The following SLC17A3 variants were observed in gnomAD, a reference collection of about 807,000 sequenced individuals.
SLC17A3 encodes sodium-dependent phosphate transport protein 4.
Under a neutral mutation model 60.3 loss-of-function variants are expected in SLC17A3, and 61 were observed. The ratio of observed to expected loss-of-function variants is 1.01; its 90% CI spans 0.82 to 1.25. The LOEUF (loss-of-function observed/expected upper bound fraction) is 1.25, where lower values mean the gene tolerates loss of function less well. Among genes scored for constraint, SLC17A3 ranks in the 50% most tolerant of loss-of-function variants. The pLI, the probability that SLC17A3 is intolerant of heterozygous loss-of-function variation, is 0.00. For missense variants in SLC17A3, 624 were observed against 594.9 expected (o/e 1.05, Z -0.51); for synonymous variants, 192 against 208.9 (o/e 0.92, Z 0.70).
chr6:25,858,907 G>A (rs748451471), intron 5 of SLC17A3, among the ~76,000 whole-genome samples: 1 of 152,066 alleles, frequency 6.6e-6, no homozygotes, highest in Non-Finnish European at 1.5e-5. Context: ...TCATATATAT[G>A]TTCATATCTA....
At chr6:25,865,555 C>A (rs543048652) in intron 2 of SLC17A3, among the ~76,000 whole-genome samples, 1 of 151,950 alleles carries the variant, frequency 6.6e-6, no homozygotes, top group African/African-American at 2.4e-5. Context: ...AGGGTATCAG[C>A]AAACCAAGAG....
At chr6:25,870,571 G>T (rs551563066) in intron 1 of SLC17A3, among the ~76,000 whole-genome samples, 2 of 152,050 alleles carry the variant, frequency 1.3e-5, no homozygotes, top group Admixed American at 1.3e-4. Flanking sequence ...GCAGCAATGG[G>T]AGTTGCCCAG....
At chr6:25,870,711 A>G (rs1408960542) in intron 1 of SLC17A3, among the ~76,000 whole-genome samples, 1 of 152,046 alleles carries the variant, frequency 6.6e-6, no homozygotes, top group Non-Finnish European at 1.5e-5. Flanking sequence ...TAGTTGCTAG[A>G]GGCCCCTACA....
chr6:25,869,614 G>A (rs933796900), intron 1 of SLC17A3, among the ~76,000 whole-genome samples: 7 of 151,932 alleles, frequency 4.6e-5, no homozygotes, highest in Admixed American at 1.3e-4. Context: ...GGCAAAAGGC[G>A]AAGAAAGAGC....
Position 25,850,790 on chromosome 6 carries a change from T to A in SLC17A3, c.800A>T (p.Lys267Ile). ...TTTCAAGGAGGATATGATGTATTCTTTTTCTGAGGTGCTTATCCATGGATA... is the reference window on the plus strand; with the variant it reads ...TTTCAAGGAGGATATGATGTATTCTATTTCTGAGGTGCTTATCCATGGATA... ...VSYPWISTSE[K>I]EYIISSLKQQ... The change falls in exon 7 of 13, where the codon AAA becomes ATA. Residue 267 changes from lysine to isoleucine, a missense_variant. Physicochemically the swap from Lys to Ile is moderately radical, Grantham distance 102. Coordinates refer to ENST00000397060, the MANE Select transcript of SLC17A3 (RefSeq NM_001098486.2). 6.2e-7 allele frequency: 1 copy of A among 1,614,014 alleles called. No individual in the cohort carries two copies. Among genetic ancestry groups the A allele is most frequent in the South Asian group, 1.1e-5 (1 of 91,070 alleles).
intron 11 of SLC17A3, among the ~76,000 whole-genome samples, chr6:25,847,371 G>A (rs1186349529): frequency 6.6e-6 from 1 of 152,140 alleles, no homozygotes; most frequent in Non-Finnish European, 1.5e-5. Context: ...TGCAGAGAAC[G>A]TAAGTGTTCA....
chr6:25,863,530 A>C (rs1293480330), intron 2 of SLC17A3, among the ~76,000 whole-genome samples: 1 of 152,094 alleles, frequency 6.6e-6, no homozygotes, highest in Non-Finnish European at 1.5e-5. Flanking sequence ...AAAGGGACTT[A>C]GATCAATGAG....
At chr6:25,853,978 T>A (rs1396734003) in intron 6 of SLC17A3, among the ~76,000 whole-genome samples, 1 of 152,170 alleles carries the variant, frequency 6.6e-6, no homozygotes, top group Non-Finnish European at 1.5e-5. Flanking sequence ...ATTGGAAGTA[T>A]GTTGCTAAGT....
chr6:25,853,406 GTTTTTTTTTT>G (rs70977233), intron 6 of SLC17A3, among the ~76,000 whole-genome samples: 2 of 58,726 alleles, frequency 3.4e-5, no homozygotes, highest in African/African-American at 1.4e-4. Context: ...ATTTCTGCAT[GTTTTTTTTTT>G]TTTTTTTTTT....
At chr6:25,849,019 G>T (rs571961261) in intron 11 of SLC17A3, among the ~76,000 whole-genome samples, 1 of 152,088 alleles carries the variant, frequency 6.6e-6, no homozygotes, top group African/African-American at 2.4e-5. Flanking sequence ...CACTTTAAAG[G>T]GTTCATTTGT....
rs1300012803 is a variant in SLC17A3, at chr6:25,862,332, G to A, written c.204C>T (p.Asn68=). ...TGAGCTGGGATTGAGGGCTTGTGCT[G>A]TTGACCATGGCTACCATGGTGATGT... The part of the protein sequence containing the change: ...IMNITMVAMV[N]STSPQSQLND... Residue 68 remains asparagine (N), a synonymous_variant, in exon 3 of 13, where the codon AAC becomes AAT. Transcript: ENST00000397060. The A allele has an allele frequency of 1.9e-6, 3 of 1,613,680 alleles. No individual in the cohort carries two copies. Among genetic ancestry groups the A allele is most frequent in the Non-Finnish European group, 1.7e-6 (2 of 1,179,776 alleles).
chr6:25,863,942 A>C (rs6924093), intron 2 of SLC17A3, among the ~76,000 whole-genome samples: 4,357 of 152,154 alleles, frequency 0.029, 195 homozygotes, highest in African/African-American at 0.095. Flanking sequence ...GGGACCTCAC[A>C]TTCCAGAGAG....
intron 3 of SLC17A3, 61 bp from the exon 4 acceptor site, chr6:25,862,090 A>G: frequency 1.4e-6 from 2 of 1,452,726 alleles, no homozygotes; most frequent in Non-Finnish European, 1.9e-6. Context: ...CATACCCTAG[A>G]AAGCTCCTTT....
rs1465174949 is a variant in SLC17A3 at position 25,844,987 on chromosome 6, A to G, written c.*314T>C. On this transcript the variant is annotated 3_prime_UTR_variant, in exon 13 of 13. Coordinates refer to ENST00000397060, the MANE Select transcript of SLC17A3 (RefSeq NM_001098486.2). ...TGCCCTAGTGAGTTTGTCACCCCGG[A>G]TTAAAGGTTTTAAAACATTGTTTCT... 2 of 199,282 alleles carry G rather than the reference A, an allele frequency of 1.0e-5. No homozygotes were observed. Among genetic ancestry groups the G allele is most frequent in the African/African-American group, 4.7e-5 (2 of 42,234 alleles). The allele number at this position is 199,282 out of a possible 1,614,324, so 12.3% of individuals were successfully genotyped here. A position where few individuals can be genotyped will look rare whatever the true frequency, so the allele number is the denominator to read the frequency against.
intron 6 of SLC17A3, among the ~76,000 whole-genome samples, chr6:25,854,713 G>T (rs888454017): frequency 6.6e-6 from 1 of 152,132 alleles, no homozygotes; most frequent in Non-Finnish European, 1.5e-5. Flanking sequence ...TTGGTGTTTC[G>T]TGTTTTCTCC....
At chr6:25,846,603 ATTCTTTTCTT>A (rs952237488) in intron 11 of SLC17A3, among the ~76,000 whole-genome samples, 1 of 152,090 alleles carries the variant, frequency 6.6e-6, no homozygotes, top group Non-Finnish European at 1.5e-5. Flanking sequence ...TGATGGAAAT[ATTCTTTTCTT>A]TTCTTTTCTT....
At chr6:25,871,105 G>A (rs942350280) in intron 1 of SLC17A3, among the ~76,000 whole-genome samples, 3 of 151,980 alleles carry the variant, frequency 2.0e-5, no homozygotes, top group Non-Finnish European at 4.4e-5. Flanking sequence ...TCTAGAACTA[G>A]AAATACCATT....
chr6:25,853,404 ATG>A (rs1327158923), intron 6 of SLC17A3, among the ~76,000 whole-genome samples: 104 of 102,604 alleles, frequency 1.0e-3, no homozygotes, highest in African/African-American at 3.0e-3. Context: ...TAATTTCTGC[ATG>A]TTTTTTTTTT....
intron 1 of SLC17A3, among the ~76,000 whole-genome samples, chr6:25,869,012 T>A (rs1364039751): frequency 6.6e-6 from 1 of 151,960 alleles, no homozygotes; most frequent in Non-Finnish European, 1.5e-5. Context: ...TAAGTATCGC[T>A]GATATGTGTG....
Sources: gnomAD v4.1 joint callset for allele counts (sites outside exome capture counted in the v4.1 genomes callset) on GRCh38, gnomAD v4.1.1 for gene constraint, MANE v1.5 for transcripts, NCBI Gene and HGNC (gene_info 2026-07-23, HGNC 2026-07-21) for gene names.